Variants in EXOC4 observed in about 807,000 individuals in gnomAD.
EXOC4 encodes SEC8-like 1.
EXOC4 carries 71 observed loss-of-function variants against 107.2 expected under a neutral mutation model. The ratio of observed to expected loss-of-function variants is 0.66; its 90% CI spans 0.55 to 0.81. The LOEUF (loss-of-function observed/expected upper bound fraction) is 0.81, where lower values mean the gene tolerates loss of function less well. EXOC4 is among the 30% of genes least tolerant of loss of function. The pLI is 0.00. For missense variants in EXOC4, 1,108 were observed against 1,189.6 expected, an observed-to-expected ratio of 0.93 and a Z score of 1.01; for synonymous variants, 456 against 441.2, an observed-to-expected ratio of 1.03 and a Z score of -0.42.
chr7:133,329,680 C>T (rs1431375663), intron 5 of EXOC4, among the ~76,000 whole-genome samples: 3 of 152,160 alleles, frequency 2.0e-5, no homozygotes, highest in East Asian at 1.9e-4. Context: ...CAGTCAGGAC[C>T]CTCTGCTGTA....
At position 133,924,386 on chromosome 7, in the gene EXOC4, A is replaced by AT. The variant is rs149528584; in HGVS notation, c.2027+6649dup. 2.4e-3 allele frequency among the ~76,000 whole-genome samples: 364 copies of AT among 152,276 alleles called. 5 individuals are homozygous for AT. Among genetic ancestry groups the AT allele is most frequent in the African/African-American group, 8.2e-3 (340 of 41,548 alleles). On this transcript the variant is annotated intron_variant, in intron 13 of 17. Transcript: ENST00000253861. ...GACAATGGGATTTTCCATCAGTCTTATAGGTATCTTCAATAGCTTAAATTG... is the reference window on the plus strand; with the variant it reads ...GACAATGGGATTTTCCATCAGTCTTATTAGGTATCTTCAATAGCTTAAATTG...
chr7:133,607,158 A>G (rs1487872394), intron 9 of EXOC4, among the ~76,000 whole-genome samples: 1 of 152,250 alleles, frequency 6.6e-6, no homozygotes, highest in Non-Finnish European at 1.5e-5. Context: ...AATATGGAAG[A>G]TGACAAATGC....
At chr7:133,519,718 A>G (rs1799946279) in intron 9 of EXOC4, among the ~76,000 whole-genome samples, 1 of 152,230 alleles carries the variant, frequency 6.6e-6, no homozygotes, top group African/African-American at 2.4e-5. Context: ...AAAATAGTTT[A>G]GAGAAGTTGA....
intron 10 of EXOC4, among the ~76,000 whole-genome samples, chr7:133,788,265 CTT>C (rs1194903644): frequency 6.6e-6 from 1 of 151,524 alleles, no homozygotes; most frequent in African/African-American, 2.4e-5. Context: ...AGCATCTAAA[CTT>C]TTATTGCAGT....
chr7:133,540,822 G>A (rs775329847), intron 9 of EXOC4, among the ~76,000 whole-genome samples: 1 of 152,096 alleles, frequency 6.6e-6, no homozygotes, highest in Non-Finnish European at 1.5e-5. Context: ...CATAGACACA[G>A]TTATTAATTC....
intron 14 of EXOC4, among the ~76,000 whole-genome samples, chr7:133,948,195 T>C (rs1185586713): frequency 6.6e-6 from 1 of 152,198 alleles, no homozygotes; most frequent in African/African-American, 2.4e-5. Context: ...GATTGTGCTA[T>C]TCAATCTGGC....
chr7:133,801,255 A>C (rs1293226411), intron 10 of EXOC4, among the ~76,000 whole-genome samples: 1 of 152,104 alleles, frequency 6.6e-6, no homozygotes, highest in Non-Finnish European at 1.5e-5. Flanking sequence ...TCAGCATGCT[A>C]TTGAGGATTT....
chr7:133,853,301 C>T (rs1260754152), intron 11 of EXOC4, among the ~76,000 whole-genome samples: 2 of 150,942 alleles, frequency 1.3e-5, no homozygotes, highest in Non-Finnish European at 3.0e-5. Flanking sequence ...CTCGCCCTCT[C>T]TTTCTCTCTC....
rs140189872 is a variant in EXOC4, at chr7:133,346,230, G to T, written c.764-10100G>T. 1.6e-3 allele frequency among the ~76,000 whole-genome samples: 245 copies of T among 152,234 alleles called. 1 individual carries two copies. Among genetic ancestry groups the T allele is most frequent in the Non-Finnish European group, 2.9e-3 (195 of 68,012 alleles). On this transcript the variant is annotated intron_variant, in intron 5 of 17. Transcript: ENST00000253861. ...AGGCCCTTGATTTGGTCCTGTGCTT[G>T]CTGCTTTTAGTGGAGGATTTGGTTT...
Position 133,455,657 on chromosome 7 carries a change from A to G in EXOC4, c.1183-19671A>G, listed in dbSNP as rs146539435. Among the ~76,000 whole-genome samples the G allele has an allele frequency of 1.7e-3, 257 of 152,342 alleles. 1 individual carries two copies. The highest frequency in any genetic ancestry group is 5.9e-3 in the African/African-American group (245 of 41,582). ...AATTCAAGTGGTAGGATGAACCAAT[A>G]TCATGGATAAAGCTGAGCTAATGGT... On this transcript the variant is annotated intron_variant, in intron 7 of 17. Transcript: ENST00000253861.
chr7:133,647,999 C>T (rs1585052783), intron 10 of EXOC4, among the ~76,000 whole-genome samples: 1 of 152,198 alleles, frequency 6.6e-6, no homozygotes, highest in Non-Finnish European at 1.5e-5. Context: ...AGTTTTGCTT[C>T]TAAAAGATAA....
intron 10 of EXOC4, among the ~76,000 whole-genome samples, chr7:133,706,169 T>C (rs1278943419): frequency 6.6e-6 from 1 of 152,232 alleles, no homozygotes; most frequent in East Asian, 1.9e-4. Context: ...ACCATGTGTA[T>C]GTGTAAGTGC....
At chr7:133,558,791 C>T (rs1169240172) in intron 9 of EXOC4, among the ~76,000 whole-genome samples, 1 of 152,094 alleles carries the variant, frequency 6.6e-6, no homozygotes, top group Non-Finnish European at 1.5e-5. Flanking sequence ...AATACACTTT[C>T]ATTTGCTCAG....
chr7:133,307,668 G>C (rs915433716), intron 4 of EXOC4, among the ~76,000 whole-genome samples: 8 of 152,228 alleles, frequency 5.3e-5, no homozygotes, highest in Non-Finnish European at 7.3e-5. Flanking sequence ...TTTTGTGGGA[G>C]AGGAGTATTT....
the EXOC4 span, among the ~76,000 whole-genome samples, chr7:134,080,193 C>G: frequency 6.6e-6 from 1 of 152,170 alleles, no homozygotes; most frequent in Non-Finnish European, 1.5e-5. Context: ...GCCAAGTTCT[C>G]TAAAATGTAT....
At chr7:133,255,233 G>A (rs1428875156) in intron 1 of EXOC4, among the ~76,000 whole-genome samples, 4 of 151,824 alleles carry the variant, frequency 2.6e-5, no homozygotes, top group Admixed American at 6.6e-5. Flanking sequence ...CTGGAGTGCA[G>A]TGGCGCGATC....
At chr7:133,989,386 T>G (rs914432550) in intron 14 of EXOC4, among the ~76,000 whole-genome samples, 2 of 152,118 alleles carry the variant, frequency 1.3e-5, no homozygotes, top group Non-Finnish European at 2.9e-5. Context: ...TGGATAATAG[T>G]GTAAACAATG....
chr7:133,928,558 C>CT (rs1213784086), intron 13 of EXOC4, among the ~76,000 whole-genome samples: 1 of 152,142 alleles, frequency 6.6e-6, no homozygotes, highest in Non-Finnish European at 1.5e-5. Flanking sequence ...CAAGATTCAG[C>CT]TTAGGTATCA....
chr7:133,687,027 G>C (rs868750441), intron 10 of EXOC4, among the ~76,000 whole-genome samples: 4 of 143,510 alleles, frequency 2.8e-5, no homozygotes, highest in South Asian at 2.1e-4. Context: ...GTGTGTGTGT[G>C]TGTGTGTGTG....
Sources: gnomAD v4.1 joint callset for allele counts (sites outside exome capture counted in the v4.1 genomes callset) on GRCh38, gnomAD v4.1.1 for gene constraint, MANE v1.5 for transcripts, NCBI Gene and HGNC (gene_info 2026-07-23, HGNC 2026-07-21) for gene names.